The following TMEM132C variants were observed in gnomAD, a reference collection of about 807,000 sequenced individuals.
TMEM132C encodes protein phosphatase 1, regulatory subunit 152.
A neutral mutation model predicts 61.4 loss-of-function variants in TMEM132C; 29 were observed. The observed-to-expected ratio is 0.47, with a 90% CI of 0.35 to 0.64. The LOEUF is 0.64. TMEM132C is among the 30% of genes least tolerant of loss of function. The pLI, the probability that TMEM132C is intolerant of heterozygous loss-of-function variation, is 0.00. For missense variants in TMEM132C, 1,408 were observed against 1,476.9 expected (o/e 0.95, Z 0.76); for synonymous variants, 656 against 633.1 (o/e 1.04, Z -0.54).
At chr12:128,380,208 A>G (rs555172460) in intron 1 of TMEM132C, among the ~76,000 whole-genome samples, 3 of 152,208 alleles carry the variant, frequency 2.0e-5, no homozygotes, top group African/African-American at 4.8e-5. Flanking sequence ...TATTCTGTCT[A>G]TTGTTCTGGC....
At chr12:128,274,071 G>T (rs1870604688) in intron 1 of TMEM132C, among the ~76,000 whole-genome samples, 1 of 152,168 alleles carries the variant, frequency 6.6e-6, no homozygotes, top group Non-Finnish European at 1.5e-5. Context: ...AGAAGTTGCT[G>T]CATTCAAGGA....
chr12:128,685,336 G>T (rs888025126), intron 5 of TMEM132C, among the ~76,000 whole-genome samples: 1 of 152,216 alleles, frequency 6.6e-6, no homozygotes, highest in Admixed American at 6.5e-5. Flanking sequence ...TGTTCAAGAT[G>T]ATTGCAATTT....
At chr12:128,674,255 G>A (rs141146977) in intron 5 of TMEM132C, among the ~76,000 whole-genome samples, 4 of 152,260 alleles carry the variant, frequency 2.6e-5, no homozygotes, top group African/African-American at 7.2e-5. Context: ...CGTTGTTTTC[G>A]AAGCTCATCT....
chr12:128,453,455 G>A (rs552455579), intron 2 of TMEM132C, among the ~76,000 whole-genome samples: 4 of 152,050 alleles, frequency 2.6e-5, no homozygotes, highest in Non-Finnish European at 5.9e-5. Context: ...CACCAGCTTT[G>A]TACCTGGGCT....
intron 1 of TMEM132C, chr12:128,288,361 TCTTA>T (rs1421751227): frequency 6.6e-6 from 1 of 152,170 alleles, no homozygotes; most frequent in Non-Finnish European, 1.5e-5. Context: ...CCCAGCCCTC[TCTTA>T]CTTTTAATGT....
At chr12:128,448,878 T>G (rs1192501558) in intron 2 of TMEM132C, among the ~76,000 whole-genome samples, 1 of 152,098 alleles carries the variant, frequency 6.6e-6, no homozygotes, top group Non-Finnish European at 1.5e-5. Context: ...GTGTCATATT[T>G]TAAAAATTAA....
intron 5 of TMEM132C, among the ~76,000 whole-genome samples, chr12:128,677,522 CAGTT>C (rs1845053355): frequency 6.6e-6 from 1 of 152,104 alleles, no homozygotes; most frequent in Admixed American, 6.5e-5. Context: ...ACACTGGAGT[CAGTT>C]AGCAAGGAAA....
In TMEM132C at chr12:128,547,399, C is replaced by CAA. The variant is rs3044078; in HGVS notation, c.1121+3310_1121+3311dup. Among the ~76,000 whole-genome samples the CAA allele has an allele frequency of 7.0e-3, 971 of 139,592 alleles. 14 individuals carry two copies. Among genetic ancestry groups the CAA allele is most frequent in the East Asian group, 0.042 (195 of 4,692 alleles). 91.6% of individuals were successfully genotyped at this position (139,592 alleles called of 152,430 possible). Reference sequence around the variant, plus strand: ...TGAAACCCCATCTCTACTAAAAATACAAAAAAAAAAAAAAATTAGCCGGGC... The same window carrying CAA: ...TGAAACCCCATCTCTACTAAAAATACAAAAAAAAAAAAAAAAATTAGCCGGGC... On this transcript the variant is annotated intron_variant, in intron 3 of 8. Coordinates refer to ENST00000435159, the MANE Select transcript of TMEM132C (RefSeq NM_001136103.3).
intron 2 of TMEM132C, among the ~76,000 whole-genome samples, chr12:128,518,723 TGTGTGTGTGC>T (rs1430229372): frequency 6.6e-6 from 1 of 152,134 alleles, no homozygotes; most frequent in East Asian, 1.9e-4. Context: ...TGTGAATGTG[TGTGTGTGTGC>T]ATGTGTGTGC....
rs959212889 is a variant in TMEM132C at position 128,630,641 on chromosome 12, C to T, written c.1305+14306C>T. On this transcript the variant is annotated intron_variant, in intron 4 of 8. Transcript: ENST00000435159. The surrounding 1 kb of genome is among the most constrained non-coding windows in gnomAD (Gnocchi z 4.3). Reference sequence around the variant, plus strand: ...CTCTGGGCGGTCATGCCCAGAGGCTCGGGAACTTGGCTGTGTCCACTCCCT... The same window carrying T: ...CTCTGGGCGGTCATGCCCAGAGGCTTGGGAACTTGGCTGTGTCCACTCCCT... Among the ~76,000 whole-genome samples the T allele has an allele frequency of 2.0e-5, 3 of 152,168 alleles. No individual in the cohort carries two copies. The highest frequency in any genetic ancestry group is 7.2e-5 in the African/African-American group (3 of 41,432).
intron 2 of TMEM132C, among the ~76,000 whole-genome samples, chr12:128,469,701 T>C (rs1330711041): frequency 6.6e-6 from 1 of 151,944 alleles, no homozygotes; most frequent in Non-Finnish European, 1.5e-5. Context: ...TGTATGTATA[T>C]ATATGCATTT....
chr12:128,441,099 T>C (rs756219745), intron 2 of TMEM132C, among the ~76,000 whole-genome samples: 2 of 152,230 alleles, frequency 1.3e-5, no homozygotes, highest in Admixed American at 6.5e-5. Flanking sequence ...ATGTCTACCC[T>C]AGTTGCTAAC....
chr12:128,388,062 C>T (rs1040687295), intron 1 of TMEM132C, among the ~76,000 whole-genome samples: 1 of 152,242 alleles, frequency 6.6e-6, no homozygotes, highest in Non-Finnish European at 1.5e-5. Flanking sequence ...GAGGCCAGGG[C>T]TTCTATTTCA....
chr12:128,504,760 G>A, intron 2 of TMEM132C, among the ~76,000 whole-genome samples: 1 of 124,042 alleles, frequency 8.1e-6, no homozygotes, highest in East Asian at 2.7e-4. Context: ...TATAGGCCCT[G>A]TCTCTAGTGC....
intron 3 of TMEM132C, among the ~76,000 whole-genome samples, chr12:128,571,668 G>A (rs1205245417): frequency 1.3e-5 from 2 of 152,202 alleles, no homozygotes; most frequent in Admixed American, 6.5e-5. Context: ...TTTAAAGGGA[G>A]TATTTTAATA....
At chr12:128,343,623 A>G (rs912040178) in intron 1 of TMEM132C, among the ~76,000 whole-genome samples, 1 of 152,132 alleles carries the variant, frequency 6.6e-6, no homozygotes, top group South Asian at 2.1e-4. Context: ...TTACATGCAT[A>G]AAATTAACCC....
In TMEM132C at chr12:128,506,629, C is replaced by A. The variant is rs143490794; in HGVS notation, c.975-37328C>A. On this transcript the variant is annotated intron_variant, in intron 2 of 8. Coordinates refer to ENST00000435159, the MANE Select transcript of TMEM132C (RefSeq NM_001136103.3). The stretch of plus-strand genomic sequence containing the variant: ...GTTTCATGGAGATCTGTTGCCTTAA[C>A]CTGCCTGGCTTCCGTCTCCCTTCCT... 3.6e-3 allele frequency among the ~76,000 whole-genome samples: 552 copies of A among 152,274 alleles called. 8 individuals are homozygous for A. The highest frequency in any genetic ancestry group is 0.012 in the African/African-American group (516 of 41,552).
chr12:128,478,648 A>G (rs1452441131), intron 2 of TMEM132C, among the ~76,000 whole-genome samples: 1 of 152,226 alleles, frequency 6.6e-6, no homozygotes, highest in Non-Finnish European at 1.5e-5. Flanking sequence ...TAGCTCACTG[A>G]AAGGTGAAAA....
chr12:128,622,171 C>A (rs895519385), intron 4 of TMEM132C, among the ~76,000 whole-genome samples: 2 of 150,808 alleles, frequency 1.3e-5, no homozygotes, highest in Non-Finnish European at 3.0e-5. Flanking sequence ...TGGTGAAACC[C>A]CATCTCTACT....
Sources: allele counts gnomAD v4.1 joint callset (sites outside exome capture counted in the v4.1 genomes callset), GRCh38; gene constraint gnomAD v4.1.1; non-coding constraint Gnocchi (gnomAD v3.1); transcripts MANE v1.5; gene names NCBI Gene and HGNC (gene_info 2026-07-23, HGNC 2026-07-21).